Variants in DOCK1 observed in about 807,000 individuals in gnomAD.
The protein encoded by DOCK1 is dedicator of cytokinesis protein 1.
A neutral mutation model predicts 262.7 loss-of-function variants in DOCK1; 138 were observed. That is an observed-to-expected ratio of 0.53 (90% CI 0.46 to 0.61). The LOEUF is 0.61. DOCK1 is among the 20% of genes least tolerant of loss of function. The probability of loss-of-function intolerance (pLI) is 0.00; values close to 1 mark genes in which losing one functional copy is unlikely to be tolerated. For missense variants in DOCK1, 1,908 were observed against 2,370.7 expected, an observed-to-expected ratio of 0.80 and a Z score of 4.05; for synonymous variants, 866 against 867.4, an observed-to-expected ratio of 1.00 and a Z score of 0.03.
intron 27 of DOCK1, among the ~76,000 whole-genome samples, chr10:127,206,574 C>T (rs76987187): frequency 1.4e-4 from 22 of 152,286 alleles, no homozygotes; most frequent in South Asian, 6.2e-4. Context: ...GTGATTTGCG[C>T]TGTGAGAGCA....
At chr10:126,974,121 A>G (rs2038324592) in intron 2 of DOCK1, among the ~76,000 whole-genome samples, 1 of 152,108 alleles carries the variant, frequency 6.6e-6, no homozygotes, top group African/African-American at 2.4e-5. Context: ...GCCTTTAAAC[A>G]ATGTCCTACC....
chr10:127,435,110 T>C (rs905097567), intron 48 of DOCK1, among the ~76,000 whole-genome samples: 2 of 152,240 alleles, frequency 1.3e-5, no homozygotes, highest in South Asian at 2.1e-4. Flanking sequence ...CTCAGGTTAT[T>C]GCAAAGAGAA....
At chr10:127,121,724 T>C (rs991257722) in intron 25 of DOCK1, among the ~76,000 whole-genome samples, 5 of 152,212 alleles carry the variant, frequency 3.3e-5, no homozygotes, top group African/African-American at 4.8e-5. Flanking sequence ...CTGTACTGGA[T>C]AGTGCAGCTG....
chr10:127,239,426 C>T (rs2498940), intron 27 of DOCK1, among the ~76,000 whole-genome samples: 142,923 of 152,230 alleles, frequency 0.94, 67,346 homozygotes, highest in East Asian at 1. Flanking sequence ...TCATCATAAA[C>T]ATTTAATACT....
chr10:127,123,300 A>C (rs1429572870), intron 25 of DOCK1, among the ~76,000 whole-genome samples: 1 of 152,122 alleles, frequency 6.6e-6, no homozygotes, highest in Admixed American at 6.5e-5. Context: ...GAATGGTGGC[A>C]GTGCTAGGGA....
At chr10:127,129,959 G>A (rs570949239) in intron 27 of DOCK1, among the ~76,000 whole-genome samples, 21 of 152,006 alleles carry the variant, frequency 1.4e-4, no homozygotes, top group African/African-American at 4.8e-4. Context: ...CTCTCTCTCC[G>A]ATTAGGAGGT....
rs2043241264 is a variant in DOCK1 at position 127,031,573 on chromosome 10, CT to C, written c.1625-74del. 5 of 1,141,748 alleles carry C rather than the reference CT, an allele frequency of 4.4e-6. No individual in the cohort carries two copies. The Admixed American group carries it at 1.1e-4, about 24-fold the overall frequency. 70.7% of individuals were successfully genotyped at this position (1,141,748 alleles called of 1,614,324 possible). ...TTGTAATTGTTTTCATAAAGGTAGC[CT>C]TTGTAGCTTCTTATAATGTTATTTT... On this transcript the variant is annotated intron_variant, in intron 16 of 51. Transcript: ENST00000623213.
chr10:127,188,949 G>T (rs189058815), intron 27 of DOCK1, among the ~76,000 whole-genome samples: 65 of 152,324 alleles, frequency 4.3e-4, no homozygotes, highest in Non-Finnish European at 8.8e-4. Context: ...GGACAGCCTG[G>T]CCTGGAGCCT....
At chr10:127,277,887 T>C (rs74158648) in intron 29 of DOCK1, among the ~76,000 whole-genome samples, 103 of 152,316 alleles carry the variant, frequency 6.8e-4, no homozygotes, top group African/African-American at 2.3e-3. Flanking sequence ...CTTTTTAATC[T>C]TTTCAAATCT....
intron 25 of DOCK1, among the ~76,000 whole-genome samples, chr10:127,112,859 C>T (rs1040089203): frequency 2.6e-5 from 4 of 152,138 alleles, no homozygotes; most frequent in Admixed American, 2.0e-4. Flanking sequence ...CTTTGGCCAA[C>T]GTGAAAATGG....
intron 27 of DOCK1, among the ~76,000 whole-genome samples, chr10:127,190,908 G>T (rs1463344173): frequency 6.6e-6 from 1 of 151,796 alleles, no homozygotes; most frequent in African/African-American, 2.4e-5. Context: ...CCTCTCCTCT[G>T]GTTTGCCTCT....
intron 1 of DOCK1, among the ~76,000 whole-genome samples, chr10:126,938,487 ATTCTC>A (rs1235048499): frequency 1.3e-5 from 2 of 152,162 alleles, no homozygotes; most frequent in African/African-American, 4.8e-5. Flanking sequence ...CGGGCTCTCT[ATTCTC>A]TTCTATTGGT....
At chr10:127,139,422 T>G (rs1483139656) in intron 27 of DOCK1, among the ~76,000 whole-genome samples, 2 of 152,320 alleles carry the variant, frequency 1.3e-5, no homozygotes, top group African/African-American at 4.8e-5. Context: ...GAGAAGTTTA[T>G]GGCTAGTGAC....
At chr10:127,360,317 G>T (rs1254632461) in intron 32 of DOCK1, among the ~76,000 whole-genome samples, 2 of 152,076 alleles carry the variant, frequency 1.3e-5, no homozygotes, top group South Asian at 2.1e-4. Context: ...CAGGATATGG[G>T]GTCCCCGGCT....
chr10:126,969,997 T>TA (rs1256012885), intron 1 of DOCK1, among the ~76,000 whole-genome samples: 1 of 152,108 alleles, frequency 6.6e-6, no homozygotes, highest in Non-Finnish European at 1.5e-5. Context: ...TTAATATATA[T>TA]TTTTTTAAAT....
At chr10:126,950,474 T>C (rs934756832) in intron 1 of DOCK1, among the ~76,000 whole-genome samples, 99,912 of 151,938 alleles carry the variant, frequency 0.66, 33,472 homozygotes, top group African/African-American at 0.72. Context: ...TTATTTCATC[T>C]TGTCTCAAGG....
At chr10:127,448,958 C>T (rs899578734) in intron 51 of DOCK1, among the ~76,000 whole-genome samples, 4 of 151,940 alleles carry the variant, frequency 2.6e-5, no homozygotes, top group Non-Finnish European at 5.9e-5. Flanking sequence ...GTACAGCATA[C>T]GTATTTCATC....
At chr10:126,953,874 G>A (rs2036527508) in intron 1 of DOCK1, among the ~76,000 whole-genome samples, 2 of 152,244 alleles carry the variant, frequency 1.3e-5, no homozygotes, top group Admixed American at 6.5e-5. Context: ...AGCCGATGGA[G>A]CTTTAAAAGC....
chr10:127,150,769 T>C (rs1422746447), intron 27 of DOCK1, among the ~76,000 whole-genome samples: 1 of 152,110 alleles, frequency 6.6e-6, no homozygotes, highest in Non-Finnish European at 1.5e-5. Flanking sequence ...AAATATTCAA[T>C]GAAAAAGGTA....
Sources: gnomAD v4.1 joint callset for allele counts (sites outside exome capture counted in the v4.1 genomes callset) on GRCh38, gnomAD v4.1.1 for gene constraint, MANE v1.5 for transcripts, NCBI Gene and HGNC (gene_info 2026-07-23, HGNC 2026-07-21) for gene names.